Variants in ATG4B observed in about 807,000 individuals in gnomAD.
ATG4B encodes the protein cysteine protease ATG4B.
Under a neutral mutation model 56.6 loss-of-function variants are expected in ATG4B, and 29 were observed. That is an observed-to-expected ratio of 0.51 (90% confidence interval 0.38 to 0.70). The LOEUF is 0.70. Ranked by LOEUF, ATG4B falls within the 30% of genes least tolerant of loss-of-function variation. ATG4B has a pLI of 0.00. For synonymous variants in ATG4B, 224 were observed against 206.1 expected, an observed-to-expected ratio of 1.09 and a Z score of -0.74; for missense variants, 461 against 515.5, an observed-to-expected ratio of 0.89 and a Z score of 1.02.
At chr2:241,663,992 T>C (rs1045873816) in intron 7 of ATG4B, among the ~76,000 whole-genome samples, 8 of 151,992 alleles carry the variant, frequency 5.3e-5, no homozygotes, top group Admixed American at 3.9e-4. Flanking sequence ...TGTATTTTAG[T>C]GGAGATGGGG....
rs2069055869 is a variant in ATG4B, at chr2:241,673,791, T to A, written c.*1527T>A. The A allele has an allele frequency of 2.2e-6, 1 of 453,486 alleles. No individual in the cohort carries two copies. The highest frequency in any genetic ancestry group is 2.0e-5 in the African/African-American group (1 of 49,998). 28.1% of individuals were successfully genotyped at this position (453,486 alleles called of 1,614,324 possible). A position where few individuals can be genotyped will look rare whatever the true frequency, so the allele number is the denominator to read the frequency against. On this transcript the variant is annotated 3_prime_UTR_variant, in exon 13 of 13. Transcript: ENST00000404914. ...TGAAAAAGGCTTAATGAAGAGAATGTTGTTCATTCTTAGTAGTATAGTTTG... is the reference window on the plus strand; with the variant it reads ...TGAAAAAGGCTTAATGAAGAGAATGATGTTCATTCTTAGTAGTATAGTTTG...
intron 1 of ATG4B, among the ~76,000 whole-genome samples, chr2:241,644,664 T>C (rs1249188045): frequency 6.6e-6 from 1 of 151,940 alleles, no homozygotes; most frequent in Non-Finnish European, 1.5e-5. Context: ...AAATCAGAAG[T>C]GTCGGCCGGT....
chr2:241,649,965 G>A (rs576743023), intron 1 of ATG4B, among the ~76,000 whole-genome samples: 1 of 152,144 alleles, frequency 6.6e-6, no homozygotes, highest in Admixed American at 6.5e-5. Context: ...TGTACTTTTA[G>A]TAGAGACGGA....
At position 241,673,732 on chromosome 2, in the gene ATG4B, C is replaced by G. The variant is rs993815304; in HGVS notation, c.*1468C>G. The G allele has an allele frequency of 1.3e-5, 6 of 455,148 alleles. No homozygotes were observed. The highest frequency in any genetic ancestry group is 2.2e-5 in the Non-Finnish European group (5 of 227,032). 28.2% of individuals were successfully genotyped at this position (455,148 alleles called of 1,614,324 possible). A position where few individuals can be genotyped will look rare whatever the true frequency, so the allele number is the denominator to read the frequency against. On this transcript the variant is annotated 3_prime_UTR_variant, in exon 13 of 13. Transcript: ENST00000404914. ...AGCTGCAGTGGTAATGTGTGGGACACCTTGACCAAAGGGGAGCTTTGTCTC... is the reference window on the plus strand; with the variant it reads ...AGCTGCAGTGGTAATGTGTGGGACAGCTTGACCAAAGGGGAGCTTTGTCTC...
At chr2:241,645,948 G>T (rs908488347) in intron 1 of ATG4B, among the ~76,000 whole-genome samples, 1 of 152,144 alleles carries the variant, frequency 6.6e-6, no homozygotes, top group African/African-American at 2.4e-5. Context: ...GGTCACGTTC[G>T]CCGTGGCTGC....
chr2:241,653,199 T>G, intron 3 of ATG4B: 1 of 774,126 alleles, frequency 1.3e-6, no homozygotes, highest in Non-Finnish European at 2.2e-6. Flanking sequence ...TTGTTTTGTT[T>G]AACTTTGCAT....
chr2:241,637,700 G>T lies in ATG4B; in HGVS notation c.-15G>T, dbSNP rs1477212654. The stretch of plus-strand genomic sequence containing the variant: ...AGCGACGCCGCTCGGGTCAGTCGGC[G>T]GCCGGACTGGGAAGATGGACGCAGG... On this transcript the variant is annotated 5_prime_UTR_variant, in exon 1 of 13. Coordinates refer to ENST00000404914, the MANE Select transcript of ATG4B (RefSeq NM_013325.5). The T allele has an allele frequency of 3.2e-6, 5 of 1,584,188 alleles. No homozygotes were observed. The highest frequency in any genetic ancestry group is 1.4e-5 in the African/African-American group (1 of 70,956).
chr2:241,641,642 G>A (rs2067894450), intron 1 of ATG4B, among the ~76,000 whole-genome samples: 1 of 152,170 alleles, frequency 6.6e-6, no homozygotes. Flanking sequence ...ATTTATGTGT[G>A]TTGAATGTGA....
intron 1 of ATG4B, among the ~76,000 whole-genome samples, chr2:241,644,087 T>A (rs544088590): frequency 8.9e-4 from 135 of 152,064 alleles, no homozygotes; most frequent in African/African-American, 3.1e-3. Context: ...TGGCTCACAC[T>A]TGTAGTCCCA....
chr2:241,665,982 G>A (rs1173892012), intron 7 of ATG4B, among the ~76,000 whole-genome samples: 1 of 152,174 alleles, frequency 6.6e-6, no homozygotes, highest in African/African-American at 2.4e-5. Flanking sequence ...CCTCAGTCTG[G>A]TGGTGTCTTT....
intron 6 of ATG4B, among the ~76,000 whole-genome samples, chr2:241,656,988 T>G (rs2068425017): frequency 6.8e-6 from 1 of 147,600 alleles, no homozygotes; most frequent in Non-Finnish European, 1.5e-5. Context: ...TCTTTTTTTT[T>G]GAGACAGTCT....
chr2:241,670,623 TG>T (rs1054102308), intron 10 of ATG4B, 102 bp from the exon 11 acceptor site: 8 of 1,087,754 alleles, frequency 7.4e-6, no homozygotes, highest in Non-Finnish European at 1.1e-5. Flanking sequence ...ACCTGCATGC[TG>T]GGGGCCTCTG....
rs910791874 is a variant in ATG4B, at chr2:241,662,868, G to A, written c.538+3681G>A. On this transcript the variant is annotated intron_variant, in intron 7 of 12. Transcript: ENST00000404914. ...AAGTGGGCCGGGCGCGGTGGCTCAC[G>A]CCTATAATCCCAACTTCAAAATCAA... Among the ~76,000 whole-genome samples the A allele has an allele frequency of 2.6e-5, 4 of 151,086 alleles. No individual in the cohort carries two copies. The East Asian group carries it at 5.9e-4, about 22-fold the overall frequency.
rs1336072190 is a variant in ATG4B, at chr2:241,666,767, C to T, written c.661C>T (p.Pro221Ser). The change falls in exon 8 of 13, where the codon CCC becomes TCC. Residue 221 changes from proline (P) to serine (S), a missense_variant. By Grantham distance (74) the Pro-to-Ser change is moderately conservative. Coordinates refer to ENST00000404914, the MANE Select transcript of ATG4B (RefSeq NM_013325.5). ...CACCAACAGGCCGTCGCCATGGAGA[C>T]CCCTGGTACTTCTCATTCCCCTGCG... is the stretch of plus-strand genomic sequence containing the variant. ...EVTNRPSPWR[P>S]LVLLIPLRLG... 5.0e-6 allele frequency: 8 copies of T among 1,599,168 alleles called. No individual in the cohort carries two copies. In the Admixed American group the frequency reaches 1.2e-4, roughly 24 times the overall value.
In ATG4B at chr2:241,670,919, C is replaced by T; in HGVS notation, c.1014+137C>T. 7.5e-6 allele frequency: 7 copies of T among 938,872 alleles called. 1 individual carries two copies. In the South Asian group the frequency reaches 8.6e-5, roughly 12 times the overall value. 58.2% of individuals were successfully genotyped at this position (938,872 alleles called of 1,614,324 possible). On this transcript the variant is annotated intron_variant, in intron 11 of 12. Transcript: ENST00000404914. ...GTGGGGAGCTTTGTCCCGCCTGGCACAGCTATGTAGCTGAGCAGGGTGGGG... is the reference window on the plus strand; with the variant it reads ...GTGGGGAGCTTTGTCCCGCCTGGCATAGCTATGTAGCTGAGCAGGGTGGGG...
rs1263441010 is a variant in ATG4B, at chr2:241,653,582, A to G, written c.255A>G (p.Gln85=). ...MLRCGQMIFA[Q]ALVCRHLGRD... ...GGTGTGGACAGATGATCTTTGCCCA[A>G]GCCCTGGTGTGCCGGCACCTAGGCC... The change falls in exon 4 of 13, where the codon CAA becomes CAG. Residue 85 remains glutamine (Q), a synonymous_variant. Coordinates refer to ENST00000404914, the MANE Select transcript of ATG4B (RefSeq NM_013325.5). 8 of 1,575,036 alleles carry G rather than the reference A, an allele frequency of 5.1e-6. No homozygotes were observed. Among genetic ancestry groups the G allele is most frequent in the Non-Finnish European group, 6.0e-6 (7 of 1,160,168 alleles).
chr2:241,656,109 C>G (rs1001122673), intron 6 of ATG4B, among the ~76,000 whole-genome samples: 1 of 152,082 alleles, frequency 6.6e-6, no homozygotes, highest in Non-Finnish European at 1.5e-5. Flanking sequence ...TGAAGCCTCT[C>G]CTTCTGCATC....
At position 241,673,040 on chromosome 2, in the gene ATG4B, C is replaced by CGG. The variant is rs34851004; in HGVS notation, c.*785_*786dup. 6.2e-6 allele frequency: 1 copy of CGG among 160,806 alleles called. No individual in the cohort carries two copies. The highest frequency in any genetic ancestry group is 1.4e-5 in the Non-Finnish European group (1 of 72,772). 10.0% of individuals were successfully genotyped at this position (160,806 alleles called of 1,614,324 possible). ...GTGGCAGCTTCCCCAGGTGTGGTGACGGGGGGGGGGCGGGGCCTCCACCTG... is the reference window on the plus strand; with the variant it reads ...GTGGCAGCTTCCCCAGGTGTGGTGACGGGGGGGGGGGGCGGGGCCTCCACCTG... On this transcript the variant is annotated 3_prime_UTR_variant, in exon 13 of 13. Coordinates refer to ENST00000404914, the MANE Select transcript of ATG4B (RefSeq NM_013325.5).
At chr2:241,656,504 C>A (rs2068409733) in intron 6 of ATG4B, among the ~76,000 whole-genome samples, 1 of 152,160 alleles carries the variant, frequency 6.6e-6, no homozygotes, top group Non-Finnish European at 1.5e-5. Flanking sequence ...CAAGTCAGCG[C>A]TGTTTCTCTG....
Sources: gnomAD v4.1 joint callset for allele counts (sites outside exome capture counted in the v4.1 genomes callset) on GRCh38, gnomAD v4.1.1 for gene constraint, MANE v1.5 for transcripts, NCBI Gene and HGNC (gene_info 2026-07-23, HGNC 2026-07-21) for gene names.